Variants in DENND1A observed in about 807,000 individuals in gnomAD.
DENND1A encodes the protein DENN domain containing 1A.
Under a neutral mutation model 113.7 loss-of-function variants are expected in DENND1A, and 51 were observed. That is an observed-to-expected ratio of 0.45 (90% confidence interval 0.36 to 0.57). The LOEUF is 0.57. DENND1A is among the 20% of genes least tolerant of loss of function. The probability of loss-of-function intolerance (pLI) is 0.00; values close to 1 mark genes in which losing one functional copy is unlikely to be tolerated. For missense variants in DENND1A, 1,258 were observed against 1,395.9 expected (o/e 0.90, Z 1.57); for synonymous variants, 565 against 570.8 (o/e 0.99, Z 0.14).
intron 5 of DENND1A, among the ~76,000 whole-genome samples, chr9:123,713,663 A>G (rs2066779359): frequency 6.6e-6 from 1 of 151,840 alleles, no homozygotes; most frequent in Non-Finnish European, 1.5e-5. Context: ...GGGGTAAATA[A>G]CAATGAATAC....
chr9:123,589,537 A>G (rs1323314095), intron 11 of DENND1A, among the ~76,000 whole-genome samples: 1 of 149,872 alleles, frequency 6.7e-6, no homozygotes, highest in African/African-American at 2.5e-5. Flanking sequence ...GCTCTCCGGT[A>G]GCTTGTCCCA....
rs546706331 is a variant in DENND1A, at chr9:123,757,955, G to C, written c.183-133C>G. 5 of 1,036,190 alleles carry C rather than the reference G, an allele frequency of 4.8e-6. No homozygotes were observed. In the East Asian group the frequency reaches 1.5e-4, roughly 30 times the overall value. 64.2% of individuals were successfully genotyped at this position (1,036,190 alleles called of 1,614,324 possible). A position where few individuals can be genotyped will look rare whatever the true frequency, so the allele number is the denominator to read the frequency against. ...AACTCTTAAAATTTACACATTTCAA[G>C]GGAACAGACTGTAAGCTAGTTAAAA... On this transcript the variant is annotated intron_variant, in intron 4 of 23. Coordinates refer to ENST00000394215, the MANE Select transcript of DENND1A (RefSeq NM_001352964.2).
At chr9:123,588,852 C>G (rs1335886708) in intron 11 of DENND1A, among the ~76,000 whole-genome samples, 1 of 151,510 alleles carries the variant, frequency 6.6e-6, no homozygotes, top group Non-Finnish European at 1.5e-5. Context: ...ACTGCAACCT[C>G]TGCCTCCTGG....
At chr9:123,872,912 G>A (rs993685728) in intron 2 of DENND1A, among the ~76,000 whole-genome samples, 9 of 152,158 alleles carry the variant, frequency 5.9e-5, no homozygotes, top group Non-Finnish European at 7.3e-5. Context: ...TCTCACAGCA[G>A]GGAATTAATC....
chr9:123,519,613 T>C (rs552976361), intron 13 of DENND1A, among the ~76,000 whole-genome samples: 17 of 152,220 alleles, frequency 1.1e-4, no homozygotes, highest in Admixed American at 6.5e-4. Context: ...GAGAAAGGTT[T>C]CTGTCATGTT....
chr9:123,748,593 C>A (rs994794119), intron 5 of DENND1A, among the ~76,000 whole-genome samples: 4 of 152,210 alleles, frequency 2.6e-5, no homozygotes, highest in African/African-American at 4.8e-5. Context: ...ATTCACAAAT[C>A]CATCTTGCTC....
intron 19 of DENND1A, among the ~76,000 whole-genome samples, chr9:123,419,812 C>T (rs6478612): frequency 0.66 from 101,023 of 152,166 alleles, 34,721 homozygotes; most frequent in Non-Finnish European, 0.77. Context: ...TCTCACCTAG[C>T]CCCCAGCGCC....
At chr9:123,630,761 T>C (rs575634395) in intron 9 of DENND1A, among the ~76,000 whole-genome samples, 2 of 152,290 alleles carry the variant, frequency 1.3e-5, no homozygotes, top group East Asian at 3.9e-4. Context: ...AGATTTAACA[T>C]TGTAGGTTAT....
At chr9:123,571,305 G>A (rs544032330) in intron 12 of DENND1A, among the ~76,000 whole-genome samples, 116 of 152,300 alleles carry the variant, frequency 7.6e-4, no homozygotes, top group Non-Finnish European at 1.5e-3. Flanking sequence ...AATTAACTAA[G>A]TCATAACTGA....
chr9:123,636,672 A>C (rs1258705185), intron 9 of DENND1A, among the ~76,000 whole-genome samples: 3 of 149,314 alleles, frequency 2.0e-5, no homozygotes, highest in South Asian at 4.2e-4. Flanking sequence ...TCACACCATG[A>C]GGAAGAATAG....
At chr9:123,866,343 C>A (rs1845792776) in intron 2 of DENND1A, among the ~76,000 whole-genome samples, 1 of 152,114 alleles carries the variant, frequency 6.6e-6, no homozygotes, top group South Asian at 2.1e-4. Context: ...AACTGTGACA[C>A]ATAAGTGGAA....
intron 2 of DENND1A, among the ~76,000 whole-genome samples, chr9:123,793,587 C>G (rs1394257993): frequency 6.6e-6 from 1 of 152,190 alleles, no homozygotes; most frequent in Non-Finnish European, 1.5e-5. Flanking sequence ...TCCCGTCTAA[C>G]AGTGGTCACA....
chr9:123,442,571 G>T (rs555946293), intron 18 of DENND1A, among the ~76,000 whole-genome samples: 1 of 152,054 alleles, frequency 6.6e-6, no homozygotes, highest in Admixed American at 6.6e-5. Context: ...AATTTTGTGC[G>T]TGGGTGTGTG....
At chr9:123,855,785 C>T (rs1348345606) in intron 2 of DENND1A, among the ~76,000 whole-genome samples, 1 of 152,174 alleles carries the variant, frequency 6.6e-6, no homozygotes. Context: ...CACCTGTAAT[C>T]CCAGCACTTT....
intron 1 of DENND1A, among the ~76,000 whole-genome samples, chr9:123,906,987 G>A (rs575246486): frequency 0.028 from 4,153 of 146,474 alleles, 58 homozygotes; most frequent in Middle Eastern, 0.041. Flanking sequence ...GAATCCAGCA[G>A]CACATCAAAA....
At chr9:123,909,671 TTCA>T (rs561861253) in intron 1 of DENND1A, among the ~76,000 whole-genome samples, 171 of 152,116 alleles carry the variant, frequency 1.1e-3, no homozygotes, top group African/African-American at 4.0e-3. Context: ...GATGAACCTA[TTCA>T]TCATATCAGA....
chr9:123,596,912 G>A (rs1347369556), intron 11 of DENND1A, among the ~76,000 whole-genome samples: 1 of 152,210 alleles, frequency 6.6e-6, no homozygotes, highest in African/African-American at 2.4e-5. Context: ...CCCACTACCA[G>A]AGCACAGATG....
chr9:123,757,599 T>C (rs974479861), intron 5 of DENND1A, 104 bp downstream of exon 5: 13 of 1,507,968 alleles, frequency 8.6e-6, no homozygotes, highest in Middle Eastern at 2.4e-4. Context: ...GGGAAACAGA[T>C]AGGAAAATGA....
intron 18 of DENND1A, among the ~76,000 whole-genome samples, chr9:123,448,484 G>A (rs997697583): frequency 6.6e-6 from 1 of 152,148 alleles, no homozygotes; most frequent in African/African-American, 2.4e-5. Flanking sequence ...TTACTTCAGG[G>A]GATATTCTGA....
Sources: gnomAD v4.1 joint callset for allele counts (sites outside exome capture counted in the v4.1 genomes callset) on GRCh38, gnomAD v4.1.1 for gene constraint, MANE v1.5 for transcripts, NCBI Gene and HGNC (gene_info 2026-07-23, HGNC 2026-07-21) for gene names.